The following SLC14A2 variants were observed in gnomAD, a reference collection of about 807,000 sequenced individuals.
SLC14A2 encodes the protein urea transporter 2.
A neutral mutation model predicts 104.6 loss-of-function variants in SLC14A2; 91 were observed. The ratio of observed to expected loss-of-function variants is 0.87; its 90% CI spans 0.73 to 1.04. The LOEUF is 1.04. Among genes scored for constraint, SLC14A2 ranks in the 50% least tolerant of loss-of-function variants. The pLI is 0.00. For synonymous variants in SLC14A2, 476 were observed against 466.4 expected, an observed-to-expected ratio of 1.02 and a Z score of -0.27; for missense variants, 1,189 against 1,156.0, an observed-to-expected ratio of 1.03 and a Z score of -0.41.
intron 18 of SLC14A2, among the ~76,000 whole-genome samples, chr18:45,674,410 C>A (rs10153334): frequency 0.24 from 35,728 of 151,908 alleles, 6,666 homozygotes; most frequent in African/African-American, 0.51. Flanking sequence ...TATTCTTGCT[C>A]GGGAAGATGT....
chr18:45,678,437 T>C (rs1462635341), intron 18 of SLC14A2, among the ~76,000 whole-genome samples: 2 of 152,156 alleles, frequency 1.3e-5, no homozygotes, highest in Admixed American at 6.5e-5. Flanking sequence ...ATTACACTAG[T>C]ACATTTTAAT....
intron 1 of SLC14A2, among the ~76,000 whole-genome samples, chr18:45,339,880 A>G (rs991125302): frequency 2.0e-5 from 3 of 152,240 alleles, no homozygotes; most frequent in Admixed American, 2.0e-4. Flanking sequence ...AGGACAACTG[A>G]TGTAAACTGG....
At chr18:45,477,484 T>C (rs570279856) in intron 1 of SLC14A2, among the ~76,000 whole-genome samples, 3 of 152,316 alleles carry the variant, frequency 2.0e-5, no homozygotes, top group African/African-American at 7.2e-5. Context: ...TAGGAGGCAG[T>C]CTGTCCCTTA....
chr18:45,306,342 G>A (rs2085020888), intron 1 of SLC14A2, among the ~76,000 whole-genome samples: 3 of 152,136 alleles, frequency 2.0e-5, no homozygotes, highest in Admixed American at 2.0e-4. Flanking sequence ...CCATGCATAG[G>A]AGTAAAATGC....
At chr18:45,182,202 TAAAC>T in the SLC14A2 span, among the ~76,000 whole-genome samples, 1 of 152,066 alleles carries the variant, frequency 6.6e-6, no homozygotes, top group African/African-American at 2.4e-5. Flanking sequence ...GAAAATTAGA[TAAAC>T]AGACTTTTAA....
At chr18:45,356,915 G>A (rs1448075929) in intron 1 of SLC14A2, among the ~76,000 whole-genome samples, 2 of 152,202 alleles carry the variant, frequency 1.3e-5, no homozygotes, top group Non-Finnish European at 2.9e-5. Context: ...AAGAGCCTGG[G>A]AACCTGGGGC....
intron 4 of SLC14A2, among the ~76,000 whole-genome samples, chr18:45,628,020 A>G (rs1568304759): frequency 6.8e-6 from 1 of 147,202 alleles, no homozygotes; most frequent in Non-Finnish European, 1.5e-5. Flanking sequence ...AAAAAAAAAA[A>G]GAAAAGAAAA....
chr18:45,538,097 A>G (rs2144849784), intron 2 of SLC14A2, among the ~76,000 whole-genome samples: 1 of 152,296 alleles, frequency 6.6e-6, no homozygotes, highest in South Asian at 2.1e-4. Context: ...TGTGAGTTCA[A>G]AAGCTCAGTG....
chr18:45,201,251 T>C, the SLC14A2 span, among the ~76,000 whole-genome samples: 2 of 152,236 alleles, frequency 1.3e-5, no homozygotes, highest in Non-Finnish European at 2.9e-5. Flanking sequence ...CCCCTGAGCA[T>C]GCTGTATGCA....
chr18:45,645,622 T>TAC (rs1555717657), intron 10 of SLC14A2, among the ~76,000 whole-genome samples: 5 of 134,852 alleles, frequency 3.7e-5, no homozygotes, highest in East Asian at 2.1e-4. Context: ...AATATATATA[T>TAC]ACATATACAA....
chr18:45,291,103 T>C (rs1459625031), intron 1 of SLC14A2, among the ~76,000 whole-genome samples: 1 of 152,210 alleles, frequency 6.6e-6, no homozygotes, highest in African/African-American at 2.4e-5. Context: ...AAAACCACAG[T>C]TCCTGCCTTC....
chr18:45,238,711 G>A (rs1043875866), intron 1 of SLC14A2, among the ~76,000 whole-genome samples: 3 of 152,174 alleles, frequency 2.0e-5, no homozygotes, highest in Middle Eastern at 3.2e-3. Flanking sequence ...AGAAAGAGAG[G>A]TAACTAGAAA....
intron 1 of SLC14A2, among the ~76,000 whole-genome samples, chr18:45,218,704 C>T (rs2084033356): frequency 6.6e-6 from 1 of 152,276 alleles, no homozygotes; most frequent in South Asian, 2.1e-4. Context: ...TTCTGCAAGT[C>T]TTTGAAGTGG....
chr18:45,623,727 AT>A (rs2045214097), intron 1 of SLC14A2, among the ~76,000 whole-genome samples: 1 of 152,170 alleles, frequency 6.6e-6, no homozygotes, highest in Non-Finnish European at 1.5e-5. Context: ...GGGATCTGTG[AT>A]CCCTGTCCTA....
In SLC14A2 at chr18:45,682,617, CTG is replaced by C. The variant is rs2046327890; in HGVS notation, c.*101_*102del. 1.2e-5 allele frequency: 11 copies of C among 934,288 alleles called. No individual in the cohort carries two copies. Among genetic ancestry groups the C allele is most frequent in the Non-Finnish European group, 1.7e-5 (10 of 574,538 alleles). The allele number at this position is 934,288 out of a possible 1,614,324, so 57.9% of individuals were successfully genotyped here. A position where few individuals can be genotyped will look rare whatever the true frequency, so the allele number is the denominator to read the frequency against. On this transcript the variant is annotated 3_prime_UTR_variant, in exon 20 of 20. Transcript: ENST00000255226. ...CACTTAGCCTTCCCTTTGGTCTGTT[CTG>C]TGACTCTCTCCCCAAACACAAAGAA...
chr18:45,571,015 C>T (rs550593522), intron 2 of SLC14A2, among the ~76,000 whole-genome samples: 21 of 152,112 alleles, frequency 1.4e-4, no homozygotes, highest in Non-Finnish European at 2.5e-4. Flanking sequence ...AAACTTGAGA[C>T]TTTGGAGAAA....
At chr18:45,237,021 G>A (rs756906064) in intron 1 of SLC14A2, among the ~76,000 whole-genome samples, 1 of 152,136 alleles carries the variant, frequency 6.6e-6, no homozygotes, top group Non-Finnish European at 1.5e-5. Flanking sequence ...ACTGACAACT[G>A]TAACTCGGAG....
At chr18:45,305,364 T>C (rs939209634) in intron 1 of SLC14A2, among the ~76,000 whole-genome samples, 3 of 152,226 alleles carry the variant, frequency 2.0e-5, no homozygotes, top group Non-Finnish European at 2.9e-5. Context: ...GATTTCAAAG[T>C]CTTACTACTG....
At chr18:45,422,652 C>T (rs2086365929) in intron 1 of SLC14A2, among the ~76,000 whole-genome samples, 1 of 152,150 alleles carries the variant, frequency 6.6e-6, no homozygotes, top group African/African-American at 2.4e-5. Context: ...GGGGAGGATC[C>T]TACAGAGAGA....
Sources: gnomAD v4.1 joint callset for allele counts (sites outside exome capture counted in the v4.1 genomes callset) on GRCh38, gnomAD v4.1.1 for gene constraint, MANE v1.5 for transcripts, NCBI Gene and HGNC (gene_info 2026-07-23, HGNC 2026-07-21) for gene names.